SH3BP4: variants seen among roughly 807,000 people sequenced by gnomAD.
The protein encoded by SH3BP4 is SH3 domain-binding protein 4.
In SH3BP4, 33 loss-of-function variants were observed where a neutral mutation model predicts 65.5. The ratio of observed to expected loss-of-function variants is 0.50; its 90% CI spans 0.38 to 0.67. The LOEUF (loss-of-function observed/expected upper bound fraction) is 0.67. Among genes scored for constraint, SH3BP4 ranks in the 30% least tolerant of loss-of-function variants. SH3BP4 has a pLI of 0.00. For synonymous variants in SH3BP4, 552 were observed against 545.5 expected, an observed-to-expected ratio of 1.01 and a Z score of -0.17; for missense variants, 1,134 against 1,261.4, an observed-to-expected ratio of 0.90 and a Z score of 1.53.
intron 1 of SH3BP4, among the ~76,000 whole-genome samples, chr2:234,988,720 G>T (rs1036460031): frequency 8.5e-5 from 13 of 152,142 alleles, no homozygotes; most frequent in Admixed American, 4.6e-4. Context: ...CGGTGTGTAG[G>T]GGGGACGCAT....
At position 234,976,754 on chromosome 2, in the gene SH3BP4, C is replaced by CATAAGACAAA. The variant is rs57012734; in HGVS notation, c.-206-18549_-206-18548insATAAGACAAA. On this transcript the variant is annotated intron_variant, in intron 1 of 5. Coordinates refer to ENST00000392011, the MANE Select transcript of SH3BP4 (RefSeq NM_014521.3). This position sits in a 1 kb window ranked among gnomAD's most constrained non-coding sequence, Gnocchi z 4.7. ...CAACCCAGTCTAACTGGGAGAAAAA[C>CATAAGACAAA]CCCCAGCCGAGGGGCGTCTTACAGA... is the stretch of plus-strand genomic sequence containing the variant. 0.42 allele frequency among the ~76,000 whole-genome samples: 63,682 copies of CATAAGACAAA among 151,742 alleles called. 14,633 individuals are homozygous for CATAAGACAAA. The highest frequency in any genetic ancestry group is 0.84 in the East Asian group (4,291 of 5,106).
intron 2 of SH3BP4, among the ~76,000 whole-genome samples, chr2:235,013,143 A>T (rs539435460): frequency 6.6e-6 from 1 of 152,340 alleles, no homozygotes; most frequent in East Asian, 1.9e-4. Flanking sequence ...GTGAGAGAAG[A>T]CACATTAAAA....
chr2:234,990,989 C>T (rs1306258763), intron 1 of SH3BP4, among the ~76,000 whole-genome samples: 1 of 152,160 alleles, frequency 6.6e-6, no homozygotes, highest in African/African-American at 2.4e-5. Context: ...TTTATAAAGT[C>T]ACTGGGTCAT....
chr2:234,979,571 C>T (rs953145952), intron 1 of SH3BP4: 3 of 152,258 alleles, frequency 2.0e-5, no homozygotes, highest in Non-Finnish European at 4.4e-5. Context: ...TAGCAACTTG[C>T]TTCTAACCAG....
intron 1 of SH3BP4, among the ~76,000 whole-genome samples, chr2:234,963,838 T>C (rs1048042380): frequency 6.6e-6 from 1 of 152,208 alleles, no homozygotes; most frequent in Non-Finnish European, 1.5e-5. Context: ...CAAGATGGAC[T>C]GCAGTTGGAT....
intron 1 of SH3BP4, among the ~76,000 whole-genome samples, chr2:234,963,804 G>A (rs150947939): frequency 6.6e-6 from 1 of 152,124 alleles, no homozygotes; most frequent in Non-Finnish European, 1.5e-5. Flanking sequence ...TGATTTTGTG[G>A]CTGTGTCACT....
intron 2 of SH3BP4, among the ~76,000 whole-genome samples, chr2:235,013,857 G>A (rs754908820): frequency 3.3e-5 from 5 of 152,124 alleles, no homozygotes; most frequent in Admixed American, 6.5e-5. Flanking sequence ...GTGAGTAAGC[G>A]GAGTGTGAAG....
At position 235,034,882 on chromosome 2, in the gene SH3BP4, T is replaced by C; in HGVS notation, c.-121T>C. 1.3e-6 allele frequency: 1 copy of C among 749,944 alleles called. No homozygotes were observed. Among genetic ancestry groups the C allele is most frequent in the South Asian group, 1.7e-5 (1 of 58,664 alleles). 46.5% of individuals were successfully genotyped at this position (749,944 alleles called of 1,614,324 possible). A position where few individuals can be genotyped will look rare whatever the true frequency, so the allele number is the denominator to read the frequency against. The stretch of plus-strand genomic sequence containing the variant: ...TCCTCTACTTTCAGGAAGAAACATA[T>C]TGCCGAGTGGATGCCGCCGCGCAGC... On this transcript the variant is annotated 5_prime_UTR_variant, in exon 3 of 6. Transcript: ENST00000392011. The surrounding 1 kb of genome is among the most constrained non-coding windows in gnomAD (Gnocchi z 6.2).
At position 234,997,868 on chromosome 2, in the gene SH3BP4, A is replaced by G. The variant is rs1693972170; in HGVS notation, c.-133+2492A>G. ...CTGGGTGCGGTGGCTCATGCCTGTA[A>G]TCCCAGCACTTTGGGAGGCCGAGGT... On this transcript the variant is annotated intron_variant, in intron 2 of 5. Transcript: ENST00000392011. The surrounding 1 kb of genome is among the most constrained non-coding windows in gnomAD (Gnocchi z 4.2). Among the ~76,000 whole-genome samples the G allele has an allele frequency of 6.6e-6, 1 of 152,198 alleles. No homozygotes were observed. The highest frequency in any genetic ancestry group is 2.4e-5 in the African/African-American group (1 of 41,440).
intron 2 of SH3BP4, among the ~76,000 whole-genome samples, chr2:235,016,483 G>T (rs542688649): frequency 6.6e-6 from 1 of 151,970 alleles, no homozygotes; most frequent in African/African-American, 2.4e-5. Context: ...CAGCACCACC[G>T]CCCATTCACT....
intron 1 of SH3BP4, among the ~76,000 whole-genome samples, chr2:234,956,798 A>C (rs557434104): frequency 7.3e-5 from 11 of 151,696 alleles, no homozygotes; most frequent in African/African-American, 2.7e-4. Context: ...GTTTCAAGTG[A>C]TCCTCCAGCC....
chr2:235,014,054 CATA>C (rs1364999294), intron 2 of SH3BP4, among the ~76,000 whole-genome samples: 3 of 151,762 alleles, frequency 2.0e-5, no homozygotes, highest in African/African-American at 2.4e-5. Context: ...AAAGGTTTAT[CATA>C]ATATTATTAG....
intron 2 of SH3BP4, among the ~76,000 whole-genome samples, chr2:235,018,353 G>A (rs1694753048): frequency 6.6e-6 from 1 of 152,052 alleles, no homozygotes. Flanking sequence ...GTGGGGTACG[G>A]GTACAGGCTG....
Position 235,042,443 on chromosome 2 carries a change from G to A in SH3BP4, c.1674G>A (p.Val558=), listed in dbSNP as rs867473033. 3.1e-6 allele frequency: 5 copies of A among 1,614,042 alleles called. No homozygotes were observed. Among genetic ancestry groups the A allele is most frequent in the Non-Finnish European group, 4.2e-6 (5 of 1,180,050 alleles). ...TCAAAGCCAGCGAGCAGGCCAAAGTGGTGCGAGGATTCCAGCTGAAGCTGG... is the reference window on the plus strand; with the variant it reads ...TCAAAGCCAGCGAGCAGGCCAAAGTAGTGCGAGGATTCCAGCTGAAGCTGG... ...YEVKASEQAK[V]VRGFQLKLGK... The change falls in exon 4 of 6, where the codon GTG becomes GTA. Residue 558 remains valine (V), a synonymous_variant. Coordinates refer to ENST00000392011, the MANE Select transcript of SH3BP4 (RefSeq NM_014521.3). This position sits in a 1 kb window ranked among gnomAD's most constrained non-coding sequence, Gnocchi z 7.3.
intron 1 of SH3BP4, among the ~76,000 whole-genome samples, chr2:234,970,176 C>A (rs532004926): frequency 6.6e-6 from 1 of 152,186 alleles, no homozygotes; most frequent in African/African-American, 2.4e-5. Context: ...GTTTCTAGAG[C>A]GCTTCTGCTT....
chr2:235,038,371 ATATACATATATATATATAT>A (rs1695505045), intron 3 of SH3BP4, among the ~76,000 whole-genome samples: 2 of 45,886 alleles, frequency 4.4e-5, no homozygotes, highest in African/African-American at 3.0e-4. Flanking sequence ...TATATAATAT[ATATACATATATATATATAT>A]ATATATATAT....
intron 2 of SH3BP4, among the ~76,000 whole-genome samples, chr2:235,019,539 C>T (rs753530417): frequency 1.3e-5 from 2 of 150,568 alleles, no homozygotes; most frequent in Admixed American, 6.7e-5. Flanking sequence ...TATGTTCAAG[C>T]GATTCTCCTG....
intron 1 of SH3BP4, among the ~76,000 whole-genome samples, chr2:234,964,476 C>T (rs1263727944): frequency 6.6e-6 from 1 of 152,190 alleles, no homozygotes; most frequent in Non-Finnish European, 1.5e-5. Flanking sequence ...CACTGCCCAG[C>T]AGGGGAGAAG....
At position 235,046,100 on chromosome 2, in the gene SH3BP4, C is replaced by T. The variant is rs947414095; in HGVS notation, c.2478+2853C>T. 3.9e-5 allele frequency among the ~76,000 whole-genome samples: 6 copies of T among 152,320 alleles called. No individual in the cohort carries two copies. The highest frequency in any genetic ancestry group is 1.9e-4 in the East Asian group (1 of 5,180). ...ACCCCTGCCCTGAACACACCCAGCT[C>T]GCCCGGCCTCCAGCTCCTGCAGATG... On this transcript the variant is annotated intron_variant, in intron 4 of 5. Transcript: ENST00000392011. The surrounding 1 kb of genome is among the most constrained non-coding windows in gnomAD (Gnocchi z 4.2).
Sources: allele counts gnomAD v4.1 joint callset (sites outside exome capture counted in the v4.1 genomes callset), GRCh38; gene constraint gnomAD v4.1.1; non-coding constraint Gnocchi (gnomAD v3.1); transcripts MANE v1.5; gene names NCBI Gene and HGNC (gene_info 2026-07-23, HGNC 2026-07-21).